BRWD1: variants seen among roughly 807,000 people sequenced by gnomAD.
BRWD1 encodes bromodomain and WD repeat-containing protein 1.
Under a neutral mutation model 251.2 loss-of-function variants are expected in BRWD1, and 82 were observed. That is an observed-to-expected ratio of 0.33 (90% CI 0.27 to 0.39). The LOEUF (loss-of-function observed/expected upper bound fraction) is 0.39, where lower values mean the gene tolerates loss of function less well. Ranked by LOEUF, BRWD1 falls within the 10% of genes least tolerant of loss-of-function variation. The pLI, the probability that BRWD1 is intolerant of heterozygous loss-of-function variation, is 1.00. For missense variants in BRWD1, 2,233 were observed against 2,711.6 expected (o/e 0.82, Z 3.92); for synonymous variants, 918 against 902.8 (o/e 1.02, Z -0.30).
rs894713081 is a variant in BRWD1 at position 39,197,088 on chromosome 21, C to T, written c.5981G>A (p.Cys1994Tyr). ...HCEVPSEQYA[C>Y]EGKPPDPDSE... ...GTCAGGATCAGGTGGCTTGCCTTCA[C>T]AGGCATACTGTTCACTTGGTACTTC... The change falls in exon 41 of 41, where the codon TGT becomes TAT. Residue 1994 changes from cysteine to tyrosine, a missense_variant. Physicochemically the swap from Cys to Tyr is radical, Grantham distance 194 (BLOSUM62 -2). Around this residue, in one of 12 missense-constraint regions of BRWD1, gnomAD observed 928 missense variants for 970.0 expected, o/e 0.96. Transcript: ENST00000342449. 6.2e-7 allele frequency: 1 copy of T among 1,614,032 alleles called. No homozygotes were observed. The highest frequency in any genetic ancestry group is 8.5e-7 in the Non-Finnish European group (1 of 1,179,980).
intron 22 of BRWD1, among the ~76,000 whole-genome samples, chr21:39,237,338 T>C (rs1199675355): frequency 6.6e-6 from 1 of 152,124 alleles, no homozygotes; most frequent in African/African-American, 2.4e-5. Flanking sequence ...TCCTAGTCCT[T>C]AGCAAAATCA....
intron 32 of BRWD1, among the ~76,000 whole-genome samples, chr21:39,214,437 T>G (rs1304713608): frequency 6.6e-6 from 1 of 151,962 alleles, no homozygotes; most frequent in South Asian, 2.1e-4. Context: ...GTAACATAAC[T>G]ATACTCTATA....
In BRWD1 at chr21:39,237,450, C is replaced by A. The variant is rs192964106; in HGVS notation, c.2577-666G>T. 1.3e-4 allele frequency among the ~76,000 whole-genome samples: 20 copies of A among 152,288 alleles called. No homozygotes were observed. The East Asian group carries it at 3.9e-3, about 29-fold the overall frequency. On this transcript the variant is annotated intron_variant, in intron 22 of 40. Coordinates refer to ENST00000342449, the MANE Select transcript of BRWD1 (RefSeq NM_033656.4). ...AAATAAAGGACTCTACTTGGGCCAT[C>A]CTTGGCCCAACTTCAACCAACCACA...
intron 3 of BRWD1, 47 bp downstream of exon 3, chr21:39,313,025 G>T: frequency 1.5e-6 from 2 of 1,314,526 alleles, no homozygotes; most frequent in Non-Finnish European, 9.7e-7. Flanking sequence ...TCAGGGCAAG[G>T]TCGGCAGGAG....
rs574502274 is a variant in BRWD1 at position 39,259,111 on chromosome 21, G to GA, written c.1886-440dup. 3.9e-5 allele frequency among the ~76,000 whole-genome samples: 6 copies of GA among 152,214 alleles called. No homozygotes were observed. In the East Asian group the frequency reaches 1.2e-3, roughly 29 times the overall value. ...TTCTTCTCTATGTCTTAAGAAAGGG[G>GA]AAAAAAGGGAGGTAAGACCTTTTTT... On this transcript the variant is annotated intron_variant, in intron 17 of 40. Transcript: ENST00000342449.
rs2031623939 is a variant in BRWD1 at position 39,192,874 on chromosome 21, C to A, written c.*3385G>T. ...TGTACTAACAGAAAATATTAAAATT[C>A]TTCCTATTTTTAATATCAAACAGGG... is the stretch of plus-strand genomic sequence containing the variant. On this transcript the variant is annotated 3_prime_UTR_variant, in exon 41 of 41. Transcript: ENST00000342449. 1 of 882,470 alleles carries A rather than the reference C, an allele frequency of 1.1e-6. No individual in the cohort carries two copies. Among genetic ancestry groups the A allele is most frequent in the South Asian group, 5.0e-5 (1 of 19,982 alleles). 54.7% of individuals were successfully genotyped at this position (882,470 alleles called of 1,614,324 possible). A position where few individuals can be genotyped will look rare whatever the true frequency, so the allele number is the denominator to read the frequency against.
intron 20 of BRWD1, among the ~76,000 whole-genome samples, chr21:39,249,537 G>T: frequency 6.6e-6 from 1 of 152,048 alleles, no homozygotes; most frequent in East Asian, 1.9e-4. Context: ...TTTTTAAAAG[G>T]CATGCCATTC....
intron 4 of BRWD1, among the ~76,000 whole-genome samples, chr21:39,312,140 A>C (rs74384054): frequency 1.3e-5 from 2 of 152,334 alleles, no homozygotes; most frequent in East Asian, 3.9e-4. Context: ...AGAAACATTA[A>C]CCAAGTTCAC....
In BRWD1 at chr21:39,191,016, A is replaced by G. The variant is rs746510684; in HGVS notation, c.*5243T>C. ...GATGGCTATTGCAATTTTTAATAAA[A>G]ATCTCATAAAAGCCTTATTTTGAAA... On this transcript the variant is annotated 3_prime_UTR_variant, in exon 41 of 41. Coordinates refer to ENST00000342449, the MANE Select transcript of BRWD1 (RefSeq NM_033656.4). 197 of 985,202 alleles carry G rather than the reference A, an allele frequency of 2.0e-4. No individual in the cohort carries two copies. The highest frequency in any genetic ancestry group is 2.3e-4 in the Non-Finnish European group (192 of 829,856). The allele number at this position is 985,202 out of a possible 1,614,324, so 61.0% of individuals were successfully genotyped here. A position where few individuals can be genotyped will look rare whatever the true frequency, so the allele number is the denominator to read the frequency against.
At chr21:39,278,211 T>C (rs1324545026) in intron 10 of BRWD1, among the ~76,000 whole-genome samples, 1 of 152,024 alleles carries the variant, frequency 6.6e-6, no homozygotes, top group Non-Finnish European at 1.5e-5. Flanking sequence ...GCTCTAAAAA[T>C]ATTTTTAAGA....
chr21:39,254,122 C>G (rs941805891), intron 19 of BRWD1, among the ~76,000 whole-genome samples: 1 of 152,084 alleles, frequency 6.6e-6, no homozygotes, highest in Non-Finnish European at 1.5e-5. Flanking sequence ...CAAAATTAGC[C>G]AGGCGTGGTG....
Position 39,253,502 on chromosome 21 carries a change from T to TAA in BRWD1, c.2255+2142_2255+2143insTT, listed in dbSNP as rs1325893161. On this transcript the variant is annotated intron_variant, in intron 19 of 40. Transcript: ENST00000342449. ...GACACCTGTTTGCTTCCCTTGGTTT[T>TAA]GAAAAAGCATCCCAAAATGACACTT... 2.0e-5 allele frequency among the ~76,000 whole-genome samples: 3 copies of TAA among 152,172 alleles called. No homozygotes were observed. The East Asian group carries it at 5.8e-4, about 29-fold the overall frequency.
At chr21:39,281,390 G>A (rs1249130315) in intron 8 of BRWD1, among the ~76,000 whole-genome samples, 1 of 152,170 alleles carries the variant, frequency 6.6e-6, no homozygotes, top group African/African-American at 2.4e-5. Context: ...CCAAAAGAGA[G>A]GAGCATCAAA....
chr21:39,314,189 C>G, upstream of BRWD1: 1 of 456,018 alleles, frequency 2.2e-6, no homozygotes, highest in Non-Finnish European at 4.4e-6. Flanking sequence ...CGCCGCGCCT[C>G]CCGCAGAGGG....
chr21:39,193,212 GA>G lies in BRWD1; in HGVS notation c.*3046del. ...CTCTTTAGGTGCAGCTCTACTATTTGAAAGGAACCTTTCTGTTGTAATTTAC... is the reference window on the plus strand; with the variant it reads ...CTCTTTAGGTGCAGCTCTACTATTTGAAGGAACCTTTCTGTTGTAATTTAC... On this transcript the variant is annotated 3_prime_UTR_variant, in exon 41 of 41. Coordinates refer to ENST00000342449, the MANE Select transcript of BRWD1 (RefSeq NM_033656.4). The G allele has an allele frequency of 8.1e-6, 8 of 984,966 alleles. No homozygotes were observed. The highest frequency in any genetic ancestry group is 9.6e-6 in the Non-Finnish European group (8 of 829,688). The allele number at this position is 984,966 out of a possible 1,614,324, so 61.0% of individuals were successfully genotyped here.
chr21:39,236,476 C>T (rs2033814730), intron 23 of BRWD1, 119 bp downstream of exon 23: 1 of 942,894 alleles, frequency 1.1e-6, no homozygotes. Flanking sequence ...CAGAGCAGGG[C>T]CCAAGACACC....
rs2031409351 is a variant in BRWD1 at position 39,189,108 on chromosome 21, A to G, written c.*7151T>C. ...AATGAATCTTTAACACATTAAATCA[A>G]TGTTAGCAAATGCTAAAATGTAAAT... On this transcript the variant is annotated 3_prime_UTR_variant, in exon 41 of 41. Coordinates refer to ENST00000342449, the MANE Select transcript of BRWD1 (RefSeq NM_033656.4). 1.0e-6 allele frequency: 1 copy of G among 983,716 alleles called. No individual in the cohort carries two copies. Among genetic ancestry groups the G allele is most frequent in the Admixed American group, 6.1e-5 (1 of 16,264 alleles). 60.9% of individuals were successfully genotyped at this position (983,716 alleles called of 1,614,324 possible). A position where few individuals can be genotyped will look rare whatever the true frequency, so the allele number is the denominator to read the frequency against.
Position 39,206,118 on chromosome 21 carries a change from T to C in BRWD1, c.4354A>G (p.Lys1452Glu). The C allele has an allele frequency of 1.9e-6, 3 of 1,607,230 alleles. No homozygotes were observed. Among genetic ancestry groups the C allele is most frequent in the Non-Finnish European group, 2.5e-6 (3 of 1,178,054 alleles). Reference sequence around the variant, plus strand: ...CCATAACCAGTTTACCTGATACTTTTGTTAGGCTGACTGTCACCTTTACAA... The same window carrying C: ...CCATAACCAGTTTACCTGATACTTTCGTTAGGCTGACTGTCACCTTTACAA... Reference protein sequence around the residue: ...QNCKGDSQPNKSIRNLKPKRL... With the variant: ...QNCKGDSQPNESIRNLKPKRL... The change falls in exon 37 of 41, where the codon AAA (lysine) becomes GAA (glutamate). Residue 1452 changes from lysine (K) to glutamate (E), a missense_variant. Physicochemically the swap from Lys to Glu is moderately conservative, Grantham distance 56 (BLOSUM62 1). This residue lies in a region of BRWD1 where 928 missense variants were observed against 970.0 expected (regional missense o/e 0.96). Transcript: ENST00000342449.
rs2032388474 is a variant in BRWD1, at chr21:39,206,355, T to C, written c.4198-81A>G. 38 of 1,064,168 alleles carry C rather than the reference T, an allele frequency of 3.6e-5. No individual in the cohort carries two copies. In the East Asian group the frequency reaches 9.6e-4, roughly 27 times the overall value. 65.9% of individuals were successfully genotyped at this position (1,064,168 alleles called of 1,614,324 possible). A position where few individuals can be genotyped will look rare whatever the true frequency, so the allele number is the denominator to read the frequency against. On this transcript the variant is annotated intron_variant, in intron 36 of 40. Transcript: ENST00000342449. ...AAATAATTGTAATCATTGAGATCCC[T>C]TGCAATGTATTATATCACTGCTTAT...
Sources: allele counts gnomAD v4.1 joint callset (sites outside exome capture counted in the v4.1 genomes callset), GRCh38; gene constraint gnomAD v4.1.1; regional missense constraint gnomAD v4.1.1; transcripts MANE v1.5; gene names NCBI Gene and HGNC (gene_info 2026-07-23, HGNC 2026-07-21).